The following CACNG5 variants were observed in gnomAD, a reference collection of about 807,000 sequenced individuals.
CACNG5 encodes the protein calcium voltage-gated channel auxiliary subunit gamma 5, also known as voltage-dependent calcium channel gamma-5 subunit.
In CACNG5, 18 loss-of-function variants were observed where a neutral mutation model predicts 24.8. That is an observed-to-expected ratio of 0.73 (90% CI 0.50 to 1.08). The LOEUF (loss-of-function observed/expected upper bound fraction) is 1.08. Ranked by LOEUF, CACNG5 falls within the 50% of genes least tolerant of loss-of-function variation. The pLI is 0.00. For missense variants in CACNG5, 349 were observed against 367.9 expected, an observed-to-expected ratio of 0.95 and a Z score of 0.42; for synonymous variants, 157 against 149.1, an observed-to-expected ratio of 1.05 and a Z score of -0.39.
rs1977352082 is a variant in CACNG5, at chr17:66,892,035, T to C, written c.*6795T>C. ...TTGAGAACCACTGGCTTAGACCTAC[T>C]GGGATTTATCACTGTAGCTGGGGAT... On this transcript the variant is annotated 3_prime_UTR_variant, in exon 6 of 6. Coordinates refer to ENST00000533854, the MANE Select transcript of CACNG5 (RefSeq NM_145811.3). 6.6e-6 allele frequency among the ~76,000 whole-genome samples: 1 copy of C among 152,234 alleles called. No homozygotes were observed. Among genetic ancestry groups the C allele is most frequent in the Non-Finnish European group, 1.5e-5 (1 of 68,026 alleles).
At chr17:66,883,420 G>A (rs73333300) in intron 4 of CACNG5, among the ~76,000 whole-genome samples, 5,676 of 152,250 alleles carry the variant, frequency 0.037, 338 homozygotes, top group East Asian at 0.12. Context: ...GGTCACACCA[G>A]TTTTCCTTTG....
chr17:66,894,435 T>G lies in CACNG5; in HGVS notation c.*9195T>G, dbSNP rs1977386098. The stretch of plus-strand genomic sequence containing the variant: ...TATTATTTTGGTTATTGCTACTGTT[T>G]CTTTAGCACCTACTATATAACAGCT... On this transcript the variant is annotated 3_prime_UTR_variant, in exon 6 of 6. Transcript: ENST00000533854. Among the ~76,000 whole-genome samples, 1 of 152,160 alleles carries G rather than the reference T, an allele frequency of 6.6e-6. No individual in the cohort carries two copies. Among genetic ancestry groups the G allele is most frequent in the Non-Finnish European group, 1.5e-5 (1 of 68,030 alleles).
intron 1 of CACNG5, among the ~76,000 whole-genome samples, chr17:66,845,032 T>C (rs937290740): frequency 1.1e-4 from 17 of 152,296 alleles, no homozygotes; most frequent in African/African-American, 3.9e-4. Flanking sequence ...AGCAAAGACT[T>C]GGAACCAACC....
At position 66,889,921 on chromosome 17, in the gene CACNG5, G is replaced by A. The variant is rs1977318219; in HGVS notation, c.*4681G>A. On this transcript the variant is annotated 3_prime_UTR_variant, in exon 6 of 6. Coordinates refer to ENST00000533854, the MANE Select transcript of CACNG5 (RefSeq NM_145811.3). ...AAACTAACCATTGTAAGTGGAGAAA[G>A]GACAGCGGAGGCCGGGGGAGCCACA... 6.6e-6 allele frequency among the ~76,000 whole-genome samples: 1 copy of A among 152,214 alleles called. No homozygotes were observed. Among genetic ancestry groups the A allele is most frequent in the African/African-American group, 2.4e-5 (1 of 41,456 alleles).
At chr17:66,870,097 A>G (rs1976984092) in intron 1 of CACNG5, among the ~76,000 whole-genome samples, 1 of 152,140 alleles carries the variant, frequency 6.6e-6, no homozygotes, top group African/African-American at 2.4e-5. Context: ...AAAAAAAAGA[A>G]AAAGTGTAAA....
intron 1 of CACNG5, among the ~76,000 whole-genome samples, chr17:66,875,457 T>C (rs759649854): frequency 3.9e-5 from 6 of 152,074 alleles, no homozygotes; most frequent in Non-Finnish European, 8.8e-5. Flanking sequence ...CAATCAACTT[T>C]CCCATGATCA....
intron 1 of CACNG5, among the ~76,000 whole-genome samples, chr17:66,872,833 T>C (rs942855797): frequency 6.6e-6 from 1 of 152,172 alleles, no homozygotes; most frequent in Non-Finnish European, 1.5e-5. Flanking sequence ...ATATGCCCTA[T>C]AGTATCAAAC....
rs1289494390 is a variant in CACNG5, at chr17:66,892,683, TACA to T, written c.*7448_*7450del. ...CATACACCTCCCACCCTATTTCAGA[TACA>T]ACAATGTGTGTGAAAACACCGTGTA... On this transcript the variant is annotated 3_prime_UTR_variant, in exon 6 of 6. Transcript: ENST00000533854. Among the ~76,000 whole-genome samples, 1 of 152,212 alleles carries T rather than the reference TACA, an allele frequency of 6.6e-6. No homozygotes were observed. The highest frequency in any genetic ancestry group is 2.4e-5 in the African/African-American group (1 of 41,456).
chr17:66,852,920 T>A (rs1010040614), intron 1 of CACNG5, among the ~76,000 whole-genome samples: 4 of 148,070 alleles, frequency 2.7e-5, no homozygotes, highest in African/African-American at 9.9e-5. Flanking sequence ...TCTTTCTCTC[T>A]TCTCTTTCTC....
At position 66,878,980 on chromosome 17, in the gene CACNG5, C is replaced by G. The variant is rs201854089; in HGVS notation, c.205C>G (p.Arg69Gly). The G allele has an allele frequency of 6.2e-7, 1 of 1,612,458 alleles. No homozygotes were observed. Among genetic ancestry groups the G allele is most frequent in the Admixed American group, 1.7e-5 (1 of 59,938 alleles). Residue 69 changes from arginine to glycine, a missense_variant, in exon 3 of 6, where the codon CGG becomes GGG. By Grantham distance (125) the Arg-to-Gly change is moderately radical. Coordinates refer to ENST00000533854, the MANE Select transcript of CACNG5 (RefSeq NM_145811.3). ...WRVCFLAGEE[R>G]GRCFTIEYVM... ...GATTCTTGTCTCCACAGGTGAGGAG[C>G]GGGGGCGTTGCTTCACCATAGAATA...
rs535127226 is a variant in CACNG5 at position 66,861,254 on chromosome 17, G to A, written c.-103-15976G>A. ...GTAACTCACATACACAGGAAGAAAT[G>A]GAGAGAACCAGAATAATTAATTAAA... On this transcript the variant is annotated intron_variant, in intron 1 of 5. Transcript: ENST00000533854. Among the ~76,000 whole-genome samples the A allele has an allele frequency of 5.9e-5, 9 of 152,292 alleles. No individual in the cohort carries two copies. The South Asian group carries it at 1.7e-3, about 28-fold the overall frequency.
At chr17:66,844,970 A>G (rs1976616814) in intron 1 of CACNG5, among the ~76,000 whole-genome samples, 1 of 152,154 alleles carries the variant, frequency 6.6e-6, no homozygotes, top group South Asian at 2.1e-4. Context: ...AACAAAAACT[A>G]TTCCCCTAAA....
At chr17:66,864,794 G>A (rs1183611382) in intron 1 of CACNG5, among the ~76,000 whole-genome samples, 1 of 152,156 alleles carries the variant, frequency 6.6e-6, no homozygotes, top group Non-Finnish European at 1.5e-5. Flanking sequence ...ACTAACCCCA[G>A]AACCATGTGT....
intron 1 of CACNG5, among the ~76,000 whole-genome samples, chr17:66,873,616 G>T (rs1404368036): frequency 1.3e-5 from 2 of 152,164 alleles, no homozygotes; most frequent in Admixed American, 6.5e-5. Context: ...AGACTCAGGG[G>T]CTTAGTCCAC....
intron 1 of CACNG5, among the ~76,000 whole-genome samples, chr17:66,875,207 G>T (rs140654214): frequency 6.6e-6 from 1 of 152,068 alleles, no homozygotes; most frequent in Non-Finnish European, 1.5e-5. Flanking sequence ...GCTTATAGGC[G>T]CTTTACTAGA....
chr17:66,881,407 C>G lies in CACNG5; in HGVS notation c.424+710C>G, dbSNP rs113495910. On this transcript the variant is annotated intron_variant, in intron 4 of 5. Transcript: ENST00000533854. The stretch of plus-strand genomic sequence containing the variant: ...TTTGGAATAATGGGTCCTTTACCCC[C>G]CATCCCCCAGCTGTCCTCAGGAGAC... Among the ~76,000 whole-genome samples, 1,364 of 152,280 alleles carry G rather than the reference C, an allele frequency of 9.0e-3. 32 individuals are homozygous for G. The highest frequency in any genetic ancestry group is 0.029 in the African/African-American group (1,215 of 41,556).
At chr17:66,855,094 C>A (rs1036071644) in intron 1 of CACNG5, among the ~76,000 whole-genome samples, 6 of 152,210 alleles carry the variant, frequency 3.9e-5, no homozygotes, top group African/African-American at 1.4e-4. Flanking sequence ...ATTGGCGTTG[C>A]CTAGCAGAAT....
chr17:66,876,994 A>G (rs1369573446), intron 1 of CACNG5, among the ~76,000 whole-genome samples: 1 of 152,074 alleles, frequency 6.6e-6, no homozygotes, highest in Non-Finnish European at 1.5e-5. Context: ...TGAATGAATG[A>G]ATGAATGAAT....
intron 1 of CACNG5, among the ~76,000 whole-genome samples, chr17:66,843,710 C>T (rs1345636143): frequency 1.3e-5 from 2 of 152,132 alleles, no homozygotes; most frequent in South Asian, 2.1e-4. Context: ...TGGAGACAGC[C>T]TGCTCCCAAC....
Sources: gnomAD v4.1 joint callset for allele counts (sites outside exome capture counted in the v4.1 genomes callset) on GRCh38, gnomAD v4.1.1 for gene constraint, MANE v1.5 for transcripts, NCBI Gene and HGNC (gene_info 2026-07-23, HGNC 2026-07-21) for gene names.